DAB1: variants seen among roughly 807,000 people sequenced by gnomAD.
DAB1 encodes the protein DAB adaptor protein 1.
In DAB1, 15 loss-of-function variants were observed where a neutral mutation model predicts 64.6. The observed-to-expected ratio is 0.23, with a 90% CI of 0.16 to 0.36. The LOEUF (loss-of-function observed/expected upper bound fraction) is 0.36, where lower values mean the gene tolerates loss of function less well. DAB1 is among the 10% of genes least tolerant of loss of function. The pLI is 1.00. For missense variants in DAB1, 596 were observed against 706.7 expected (o/e 0.84, Z 1.78); for synonymous variants, 235 against 251.9 (o/e 0.93, Z 0.64).
chr1:58,144,425 C>T (rs1654475502), intron 5 of DAB1, among the ~76,000 whole-genome samples: 1 of 152,152 alleles, frequency 6.6e-6, no homozygotes, highest in South Asian at 2.1e-4. Flanking sequence ...TTAGAAAATG[C>T]TTTTTACATC....
intron 3 of DAB1, among the ~76,000 whole-genome samples, chr1:58,402,598 T>C (rs1451625394): frequency 6.6e-6 from 1 of 150,566 alleles, no homozygotes; most frequent in East Asian, 1.9e-4. Flanking sequence ...AGGCATTCAA[T>C]AAATAGTTGT....
At chr1:57,646,957 A>C (rs2101649856) in intron 7 of DAB1, among the ~76,000 whole-genome samples, 1 of 152,256 alleles carries the variant, frequency 6.6e-6, no homozygotes, top group South Asian at 2.1e-4. Context: ...TCAGCACAGC[A>C]TTGCTCTTCT....
intron 7 of DAB1, among the ~76,000 whole-genome samples, chr1:57,581,849 TG>T (rs1289173814): frequency 1.3e-5 from 2 of 152,306 alleles, no homozygotes; most frequent in East Asian, 3.9e-4. Context: ...GCTAAGTTTC[TG>T]AGAAATAGGC....
intron 5 of DAB1, among the ~76,000 whole-genome samples, chr1:58,050,654 C>T (rs1462508985): frequency 6.6e-6 from 1 of 152,068 alleles, no homozygotes; most frequent in Non-Finnish European, 1.5e-5. Flanking sequence ...CTCAGCCTCC[C>T]GAGCAGCTGG....
At chr1:58,423,150 T>A (rs1411830583) in intron 3 of DAB1, among the ~76,000 whole-genome samples, 1 of 152,172 alleles carries the variant, frequency 6.6e-6, no homozygotes, top group Admixed American at 6.5e-5. Flanking sequence ...CAGAGCCCTA[T>A]CTGGTTGTCC....
At chr1:57,556,824 GC>G (rs1644994703) in intron 7 of DAB1, among the ~76,000 whole-genome samples, 1 of 152,070 alleles carries the variant, frequency 6.6e-6, no homozygotes, top group Admixed American at 6.6e-5. Flanking sequence ...TGTTGCATTT[GC>G]TTTTGGGTTC....
At chr1:58,470,589 A>G (rs572183656) in intron 3 of DAB1, among the ~76,000 whole-genome samples, 247 of 152,314 alleles carry the variant, frequency 1.6e-3, no homozygotes, top group African/African-American at 5.8e-3. Flanking sequence ...AGATGTCTGA[A>G]GCACTGTCTC....
chr1:57,138,486 C>T (rs1658318869), intron 3 of DAB1, among the ~76,000 whole-genome samples: 1 of 152,118 alleles, frequency 6.6e-6, no homozygotes, highest in Admixed American at 6.6e-5. Flanking sequence ...CCTTTCAAAG[C>T]TGCTCCATAT....
chr1:57,042,536 C>T (rs1647920805), intron 9 of DAB1, among the ~76,000 whole-genome samples: 1 of 152,082 alleles, frequency 6.6e-6, no homozygotes, highest in South Asian at 2.1e-4. Context: ...TATTACCTTC[C>T]CTCTTTTCTA....
At chr1:57,270,646 C>G (rs1249523134) in intron 2 of DAB1, among the ~76,000 whole-genome samples, 1 of 152,214 alleles carries the variant, frequency 6.6e-6, no homozygotes, top group Non-Finnish European at 1.5e-5. Context: ...ACTCATTCAA[C>G]AAATACTTAC....
At chr1:58,543,490 G>C (rs1045877538) in intron 1 of DAB1, among the ~76,000 whole-genome samples, 2 of 151,972 alleles carry the variant, frequency 1.3e-5, no homozygotes, top group African/African-American at 4.8e-5. Context: ...GGGCTCTGTG[G>C]TCTTATGGTG....
At chr1:58,165,773 T>C (rs1655798303) in intron 4 of DAB1, among the ~76,000 whole-genome samples, 1 of 152,206 alleles carries the variant, frequency 6.6e-6, no homozygotes, top group South Asian at 2.1e-4. Context: ...AAGAGAACTC[T>C]GTTTTAACCA....
intron 9 of DAB1, among the ~76,000 whole-genome samples, chr1:57,031,970 C>T (rs1022359169): frequency 6.6e-6 from 1 of 152,178 alleles, no homozygotes; most frequent in Non-Finnish European, 1.5e-5. Context: ...AAAGTAGCTT[C>T]GATGTTTAGG....
intron 1 of DAB1, among the ~76,000 whole-genome samples, chr1:57,379,572 A>G (rs1211965899): frequency 6.6e-6 from 1 of 152,202 alleles, no homozygotes; most frequent in African/African-American, 2.4e-5. Context: ...CAGTTTGATC[A>G]TTGCAGGTTA....
intron 7 of DAB1, among the ~76,000 whole-genome samples, chr1:57,609,201 G>A (rs1645696222): frequency 6.6e-6 from 1 of 152,082 alleles, no homozygotes; most frequent in Non-Finnish European, 1.5e-5. Flanking sequence ...CGTATCTGTG[G>A]GTTCTGCATC....
At chr1:57,152,485 A>T (rs1348715753) in intron 2 of DAB1, among the ~76,000 whole-genome samples, 1 of 152,232 alleles carries the variant, frequency 6.6e-6, no homozygotes, top group Non-Finnish European at 1.5e-5. Context: ...GCAGCATCAT[A>T]GAGTTGCCTG....
intron 6 of DAB1, among the ~76,000 whole-genome samples, chr1:57,808,772 GA>G (rs1453555056): frequency 6.6e-6 from 1 of 152,098 alleles, no homozygotes; most frequent in Non-Finnish European, 1.5e-5. Context: ...TATCTCATTT[GA>G]TTCTACTCCA....
chr1:57,021,209 A>T (rs188868026), intron 11 of DAB1, among the ~76,000 whole-genome samples: 3 of 152,350 alleles, frequency 2.0e-5, no homozygotes, highest in Admixed American at 2.0e-4. Flanking sequence ...AAATTTTAGC[A>T]GCTAAAGAAA....
intron 6 of DAB1, among the ~76,000 whole-genome samples, chr1:57,756,328 T>A (rs1177952250): frequency 2.6e-5 from 4 of 152,058 alleles, no homozygotes; most frequent in Admixed American, 6.6e-5. Flanking sequence ...CACCAAGAAG[T>A]CACACTGAGA....
Sources: allele counts gnomAD v4.1 joint callset (sites outside exome capture counted in the v4.1 genomes callset), GRCh38; gene constraint gnomAD v4.1.1; transcripts MANE v1.5; gene names NCBI Gene and HGNC (gene_info 2026-07-23, HGNC 2026-07-21).